The following SOX6 variants were observed in gnomAD, a reference collection of about 807,000 sequenced individuals.
SOX6 encodes the protein transcription factor SOX-6.
Under a neutral mutation model 97.8 loss-of-function variants are expected in SOX6, and 11 were observed. The ratio of observed to expected loss-of-function variants is 0.11; its 90% CI spans 0.07 to 0.19. SOX6 has a LOEUF of 0.19. Among genes scored for constraint, SOX6 ranks in the 10% least tolerant of loss-of-function variants. The pLI, the probability that SOX6 is intolerant of heterozygous loss-of-function variation, is 1.00. For synonymous variants in SOX6, 360 were observed against 371.4 expected (o/e 0.97, Z 0.35); for missense variants, 810 against 1,039.5 (o/e 0.78, Z 3.04).
intron 6 of SOX6, among the ~76,000 whole-genome samples, chr11:16,148,940 T>C (rs1850387607): frequency 6.6e-6 from 1 of 152,170 alleles, no homozygotes; most frequent in Non-Finnish European, 1.5e-5. Flanking sequence ...TTCTGTACTT[T>C]TACATAGTTT....
At chr11:16,094,008 G>T (rs7105566) in intron 9 of SOX6, among the ~76,000 whole-genome samples, 5,537 of 151,902 alleles carry the variant, frequency 0.036, 127 homozygotes, top group Middle Eastern at 0.15. Context: ...CAGATCAAAG[G>T]TTTCCTGACA....
chr11:16,363,622 A>C (rs1350769923), intron 1 of SOX6, among the ~76,000 whole-genome samples: 4 of 152,092 alleles, frequency 2.6e-5, no homozygotes, highest in African/African-American at 4.8e-5. Flanking sequence ...AACACCTTAT[A>C]ATTTTGATAA....
upstream of SOX6, among the ~76,000 whole-genome samples, chr11:16,357,728 G>A (rs949641421): frequency 2.0e-5 from 3 of 152,074 alleles, no homozygotes; most frequent in Non-Finnish European, 4.4e-5. Context: ...AACAAATAAT[G>A]CTTAGTAGAT....
At chr11:16,015,175 T>A (rs1293825562) in intron 12 of SOX6, 125 bp from the exon 13 acceptor site, 1 of 818,970 alleles carries the variant, frequency 1.2e-6, no homozygotes, top group Non-Finnish European at 2.0e-6. Context: ...CAATGTGGAC[T>A]CTGAAAATCT....
intron 3 of SOX6, chr11:16,312,816 G>C (rs1204485682): frequency 6.6e-6 from 1 of 152,110 alleles, no homozygotes. Flanking sequence ...GGTGATACAA[G>C]GATAACTAAA....
chr11:16,097,799 C>A, intron 7 of SOX6, 111 bp from the exon 8 acceptor site: 1 of 979,514 alleles, frequency 1.0e-6, no homozygotes, highest in East Asian at 2.5e-5. Context: ...GCTCTAAGCC[C>A]AAACATCTGC....
chr11:16,378,438 C>T (rs1371583000), intron 1 of SOX6, among the ~76,000 whole-genome samples: 2 of 151,926 alleles, frequency 1.3e-5, no homozygotes, highest in Non-Finnish European at 2.9e-5. Context: ...TTAAAAAGCA[C>T]ATAAAATATG....
intron 3 of SOX6, among the ~76,000 whole-genome samples, chr11:16,258,001 A>T (rs563724506): frequency 1.3e-3 from 10 of 7,500 alleles, no homozygotes; most frequent in South Asian, 8.1e-3. Flanking sequence ...AAAAGAATTT[A>T]AAAAAATGAC....
chr11:16,148,034 T>A (rs1178335553), intron 6 of SOX6, among the ~76,000 whole-genome samples: 1 of 152,142 alleles, frequency 6.6e-6, no homozygotes, highest in African/African-American at 2.4e-5. Context: ...TAACAAACTA[T>A]AAAAAACAAG....
intron 6 of SOX6, 134 bp from the exon 7 acceptor site, chr11:16,112,057 G>A (rs929670858): frequency 1.5e-5 from 17 of 1,140,312 alleles, no homozygotes; most frequent in Non-Finnish European, 2.2e-5. Context: ...TCTGCAATCT[G>A]AGAAAATTCA....
chr11:16,014,673 C>A (rs1854828694), intron 13 of SOX6, among the ~76,000 whole-genome samples: 1 of 152,008 alleles, frequency 6.6e-6, no homozygotes, highest in Non-Finnish European at 1.5e-5. Flanking sequence ...TGTAGAGGAT[C>A]CTTTTATTTT....
chr11:16,015,122 T>C, intron 12 of SOX6, 72 bp from the exon 13 acceptor site: 1 of 1,290,190 alleles, frequency 7.8e-7, no homozygotes, highest in Non-Finnish European at 1.1e-6. Context: ...GTTTCTATCT[T>C]GCTTAATGGC....
intron 12 of SOX6, among the ~76,000 whole-genome samples, chr11:16,016,241 C>A (rs1854878685): frequency 6.6e-6 from 1 of 152,046 alleles, no homozygotes; most frequent in African/African-American, 2.4e-5. Flanking sequence ...TTTTGAATAT[C>A]ATTATATTTC....
chr11:16,299,977 G>A (rs1855208742), intron 3 of SOX6, among the ~76,000 whole-genome samples: 1 of 152,012 alleles, frequency 6.6e-6, no homozygotes, highest in African/African-American at 2.4e-5. Context: ...ATTTGTTTGG[G>A]GTTAATTAGC....
At chr11:16,502,992 C>T (rs575190990) in intron 4 of SOX6, among the ~76,000 whole-genome samples, 44 of 151,982 alleles carry the variant, frequency 2.9e-4, no homozygotes, top group Non-Finnish European at 5.4e-4. Flanking sequence ...GAAAAGCACC[C>T]CCGTCAAACT....
intron 1 of SOX6, among the ~76,000 whole-genome samples, chr11:16,380,640 A>G (rs1273806789): frequency 6.6e-6 from 1 of 152,098 alleles, no homozygotes; most frequent in African/African-American, 2.4e-5. Flanking sequence ...AATCTCATAA[A>G]CTTATTGGTG....
At chr11:16,365,823 G>T (rs1227875161) in intron 1 of SOX6, among the ~76,000 whole-genome samples, 1 of 152,010 alleles carries the variant, frequency 6.6e-6, no homozygotes, top group Non-Finnish European at 1.5e-5. Context: ...TTGTTCTTTG[G>T]TTTCACTAAA....
At chr11:16,346,235 T>C (rs1394917775) in intron 1 of SOX6, among the ~76,000 whole-genome samples, 1 of 152,070 alleles carries the variant, frequency 6.6e-6, no homozygotes, top group Non-Finnish European at 1.5e-5. Context: ...TTTCCAAAAA[T>C]ATATCACAGT....
At chr11:16,267,634 C>T (rs1338948975) in intron 3 of SOX6, among the ~76,000 whole-genome samples, 1 of 151,418 alleles carries the variant, frequency 6.6e-6, no homozygotes, top group East Asian at 1.9e-4. Context: ...AAACTGTATG[C>T]AGGTTCCTGA....
Sources: gnomAD v4.1 joint callset for allele counts (sites outside exome capture counted in the v4.1 genomes callset) on GRCh38, gnomAD v4.1.1 for gene constraint, MANE v1.5 for transcripts, NCBI Gene and HGNC (gene_info 2026-07-23, HGNC 2026-07-21) for gene names.